The following DMD variants were observed in gnomAD, a reference collection of about 807,000 sequenced individuals.
The protein encoded by DMD is dystrophin.
In DMD, 63 loss-of-function variants were observed where a neutral mutation model predicts 330.1. The ratio of observed to expected loss-of-function variants is 0.19; its 90% CI spans 0.16 to 0.24. The LOEUF is 0.24. Among genes scored for constraint, DMD ranks in the 10% least tolerant of loss-of-function variants. The pLI is 1.00. For synonymous variants in DMD, 1,223 were observed against 959.8 expected (o/e 1.27, Z -5.07); for missense variants, 3,344 against 2,684.1 (o/e 1.25, Z -5.43).
intron 62 of DMD, among the ~76,000 whole-genome samples, chrX:31,312,037 T>C (rs142934507): frequency 0.012 from 1,357 of 111,960 alleles, 20 homozygotes; most frequent in African/African-American, 0.041. Context: ...ATTTAAGACA[T>C]AGGCATGGGC....
At chrX:32,817,655 C>G (rs958164089) in intron 5 of DMD, among the ~76,000 whole-genome samples, 2 of 111,876 alleles carry the variant, frequency 1.8e-5, no homozygotes, top group Non-Finnish European at 3.8e-5. Flanking sequence ...GGTTAAGGTT[C>G]ATATACTATC....
chrX:32,784,693 T>C lies in DMD; in HGVS notation c.649+24800A>G, dbSNP rs191787152. ...TAGGGAAGCAGAGTAAGAACTACTGTATGGATCCGTGGATTTTGGTATATT... is the reference window on the plus strand; with the variant it reads ...TAGGGAAGCAGAGTAAGAACTACTGCATGGATCCGTGGATTTTGGTATATT... On this transcript the variant is annotated intron_variant, in intron 7 of 78. Transcript: ENST00000357033. Among the ~76,000 whole-genome samples, 8 of 111,821 alleles carry C rather than the reference T, an allele frequency of 7.2e-5. No homozygotes were observed. The East Asian group carries it at 2.2e-3, about 31-fold the overall frequency.
intron 61 of DMD, among the ~76,000 whole-genome samples, chrX:31,331,555 T>A (rs1046004664): frequency 1.8e-5 from 2 of 112,005 alleles, no homozygotes; most frequent in Non-Finnish European, 3.8e-5. Flanking sequence ...TATAGGAAGA[T>A]AGATACCTAC....
chrX:33,219,551 TGG>T (rs767012742), intron 1 of DMD, among the ~76,000 whole-genome samples: 100 of 109,356 alleles, frequency 9.1e-4, no homozygotes, highest in African/African-American at 3.2e-3. Flanking sequence ...TTTCAGGACT[TGG>T]TACTACATAT....
At chrX:32,715,576 G>A (rs1054400914) in intron 7 of DMD, among the ~76,000 whole-genome samples, 10 of 106,925 alleles carry the variant, frequency 9.4e-5, no homozygotes, top group Admixed American at 3.0e-4. Flanking sequence ...AGGCAGATAC[G>A]CAGATCACCT....
intron 1 of DMD, among the ~76,000 whole-genome samples, chrX:33,177,244 A>C (rs2049716628): frequency 8.9e-6 from 1 of 112,241 alleles, no homozygotes. Flanking sequence ...AGCTGTGGGC[A>C]ACAAGCACTC....
At chrX:31,932,671 G>T (rs1394126965) in intron 45 of DMD, among the ~76,000 whole-genome samples, 1 of 111,763 alleles carries the variant, frequency 8.9e-6, no homozygotes, top group Non-Finnish European at 1.9e-5. Flanking sequence ...ACTTGAACGT[G>T]GAAGGCAGAG....
At chrX:31,682,978 AC>A (rs1156472783) in intron 52 of DMD, among the ~76,000 whole-genome samples, 1 of 111,950 alleles carries the variant, frequency 8.9e-6, no homozygotes. Flanking sequence ...TATAACCTGA[AC>A]CATTATTTCA....
chrX:33,002,095 T>C (rs144079126), intron 2 of DMD, among the ~76,000 whole-genome samples: 188 of 111,050 alleles, frequency 1.7e-3, no homozygotes, highest in Non-Finnish European at 2.2e-3. Flanking sequence ...GCTCAAGAAG[T>C]AAGGTACTTT....
intron 9 of DMD, among the ~76,000 whole-genome samples, chrX:32,660,733 C>T (rs931931862): frequency 4.0e-4 from 45 of 111,214 alleles, no homozygotes; most frequent in African/African-American, 1.3e-3. Flanking sequence ...CACTTGCCAA[C>T]CTGAAAATGT....
At chrX:31,208,652 T>C (rs1344957144) in intron 65 of DMD, among the ~76,000 whole-genome samples, 1 of 112,007 alleles carries the variant, frequency 8.9e-6, no homozygotes, top group Non-Finnish European at 1.9e-5. Flanking sequence ...CAAAAGGTAG[T>C]AGAAGTCTAC....
intron 51 of DMD, among the ~76,000 whole-genome samples, chrX:31,748,716 A>C (rs1318856577): frequency 8.9e-6 from 1 of 111,980 alleles, no homozygotes; most frequent in Non-Finnish European, 1.9e-5. Context: ...AGCACAATAT[A>C]TATTAACTTA....
At chrX:32,531,231 A>G (rs1179211490) in intron 17 of DMD, among the ~76,000 whole-genome samples, 2 of 111,929 alleles carry the variant, frequency 1.8e-5, no homozygotes, top group African/African-American at 6.5e-5. Flanking sequence ...ACACAAAAGT[A>G]CCTTGAAGCC....
chrX:32,894,118 G>A (rs1037592976), intron 2 of DMD, among the ~76,000 whole-genome samples: 4 of 111,932 alleles, frequency 3.6e-5, no homozygotes, highest in Non-Finnish European at 7.5e-5. Flanking sequence ...GAGAATTAAT[G>A]CTATTTAAAA....
At chrX:33,045,864 T>C (rs774119133) in intron 1 of DMD, among the ~76,000 whole-genome samples, 1 of 111,311 alleles carries the variant, frequency 9.0e-6, no homozygotes, top group Admixed American at 9.6e-5. Flanking sequence ...AGCTAACATG[T>C]GTCGGTGCTT....
At chrX:31,399,581 C>G (rs1430191309) in intron 60 of DMD, among the ~76,000 whole-genome samples, 1 of 110,975 alleles carries the variant, frequency 9.0e-6, no homozygotes, top group African/African-American at 3.3e-5. Flanking sequence ...CCTCTTCTGC[C>G]CAGAATTTCC....
intron 16 of DMD, among the ~76,000 whole-genome samples, chrX:32,563,072 G>A (rs1044893665): frequency 9.0e-6 from 1 of 111,009 alleles, no homozygotes; most frequent in East Asian, 2.8e-4. Context: ...CGGGCGCGGT[G>A]ACTTATGTCT....
At chrX:33,248,243 G>A (rs1050390603) in intron 1 of DMD, among the ~76,000 whole-genome samples, 2 of 110,804 alleles carry the variant, frequency 1.8e-5, no homozygotes, top group East Asian at 5.7e-4. Flanking sequence ...TGGTTTCACC[G>A]TGTTAGCCAG....
At chrX:31,962,756 T>C (rs1016144561) in intron 45 of DMD, among the ~76,000 whole-genome samples, 3 of 111,740 alleles carry the variant, frequency 2.7e-5, no homozygotes, top group African/African-American at 9.8e-5. Flanking sequence ...CTGTGGGTAC[T>C]CAGTTTCCAA....
Sources: gnomAD v4.1 joint callset for allele counts (sites outside exome capture counted in the v4.1 genomes callset) on GRCh38, gnomAD v4.1.1 for gene constraint, MANE v1.5 for transcripts, NCBI Gene and HGNC (gene_info 2026-07-23, HGNC 2026-07-21) for gene names.